The following JAZF1 variants were observed in gnomAD, a reference collection of about 807,000 sequenced individuals.
JAZF1 encodes JAZF zinc finger 1.
In JAZF1, 8 loss-of-function variants were observed where a neutral mutation model predicts 26.4. The observed-to-expected ratio is 0.30, with a 90% CI of 0.18 to 0.55. The LOEUF is 0.55. JAZF1 is among the 20% of genes least tolerant of loss of function. The pLI is 0.94. For missense variants in JAZF1, 199 were observed against 322.0 expected (o/e 0.62, Z 2.92); for synonymous variants, 126 against 122.3 (o/e 1.03, Z -0.20).
chr7:27,855,532 T>A (rs982688001), intron 3 of JAZF1, among the ~76,000 whole-genome samples: 6 of 151,980 alleles, frequency 3.9e-5, no homozygotes, highest in Non-Finnish European at 8.8e-5. Flanking sequence ...AAAGAGGATA[T>A]CACCACTGAT....
chr7:27,923,201 T>C (rs1020119067), intron 2 of JAZF1, among the ~76,000 whole-genome samples: 1 of 152,226 alleles, frequency 6.6e-6, no homozygotes, highest in Non-Finnish European at 1.5e-5. Context: ...TGGAGGTTTT[T>C]CTAGTCTTCT....
At chr7:27,903,479 GC>G (rs1784201040) in intron 2 of JAZF1, among the ~76,000 whole-genome samples, 1 of 152,194 alleles carries the variant, frequency 6.6e-6, no homozygotes, top group Non-Finnish European at 1.5e-5. Context: ...ACAGGCGTGA[GC>G]CACTGTGCCC....
chr7:28,174,364 ACAGTC>A (rs2127955424), intron 1 of JAZF1, among the ~76,000 whole-genome samples: 1 of 152,318 alleles, frequency 6.6e-6, no homozygotes, highest in African/African-American at 2.4e-5. Flanking sequence ...TGGCTTCCAA[ACAGTC>A]CCAGGGAAGC....
intron 2 of JAZF1, among the ~76,000 whole-genome samples, chr7:27,906,584 C>T (rs1237012995): frequency 2.0e-5 from 3 of 152,208 alleles, no homozygotes; most frequent in African/African-American, 7.2e-5. Flanking sequence ...TTTAAAGTCA[C>T]AGGTCAGCAT....
chr7:28,038,532 C>G (rs1783333867), intron 1 of JAZF1, among the ~76,000 whole-genome samples: 1 of 152,082 alleles, frequency 6.6e-6, no homozygotes. Context: ...TTTATTTAAA[C>G]AAAACTGTTT....
intron 1 of JAZF1, among the ~76,000 whole-genome samples, chr7:28,147,944 C>G (rs1783053265): frequency 6.6e-6 from 1 of 152,066 alleles, no homozygotes; most frequent in Non-Finnish European, 1.5e-5. Context: ...AGAAATCACT[C>G]TTAACATAGC....
chr7:27,896,058 T>C (rs1784058181), intron 2 of JAZF1, among the ~76,000 whole-genome samples: 1 of 152,174 alleles, frequency 6.6e-6, no homozygotes, highest in Admixed American at 6.5e-5. Flanking sequence ...ACTGCATACA[T>C]CTGCCCAGGA....
chr7:28,118,761 T>TACACACACACAC (rs10612400), intron 1 of JAZF1, among the ~76,000 whole-genome samples: 78 of 148,792 alleles, frequency 5.2e-4, no homozygotes, highest in African/African-American at 1.7e-3. Context: ...AAGAGAGTTT[T>TACACACACACAC]ACACACACAC....
chr7:28,088,648 T>C (rs1018663700), intron 1 of JAZF1, among the ~76,000 whole-genome samples: 10 of 152,168 alleles, frequency 6.6e-5, no homozygotes, highest in African/African-American at 1.2e-4. Flanking sequence ...TGTCCTAATA[T>C]CTCCCAAAGA....
At chr7:27,884,072 C>T (rs1207984159) in intron 3 of JAZF1, among the ~76,000 whole-genome samples, 2 of 152,210 alleles carry the variant, frequency 1.3e-5, no homozygotes, top group Non-Finnish European at 2.9e-5. Flanking sequence ...GACTCCTGTT[C>T]TTCATTCCTG....
In JAZF1 at chr7:28,158,184, C is replaced by G. The variant is rs750790; in HGVS notation, c.115+22279G>C. Among the ~76,000 whole-genome samples, 177 of 105,408 alleles carry G rather than the reference C, an allele frequency of 1.7e-3. 1 individual carries two copies. Among genetic ancestry groups the G allele is most frequent in the African/African-American group, 5.0e-3 (156 of 31,108 alleles). 69.2% of individuals were successfully genotyped at this position (105,408 alleles called of 152,430 possible). A position where few individuals can be genotyped will look rare whatever the true frequency, so the allele number is the denominator to read the frequency against. On this transcript the variant is annotated intron_variant, in intron 1 of 4. Transcript: ENST00000283928. ...ACACACACAAACACACACACACACACACAGAGAGAGAGAGAGAGAGGGAGA... is the reference window on the plus strand; with the variant it reads ...ACACACACAAACACACACACACACAGACAGAGAGAGAGAGAGAGAGGGAGA...
intron 1 of JAZF1, among the ~76,000 whole-genome samples, chr7:28,140,804 T>C (rs536318933): frequency 1.3e-5 from 2 of 152,346 alleles, no homozygotes; most frequent in East Asian, 3.9e-4. Context: ...AGAAATAAAA[T>C]ACTAGGAAAG....
intron 2 of JAZF1, among the ~76,000 whole-genome samples, chr7:27,918,611 C>CA (rs1784480939): frequency 6.6e-6 from 1 of 151,774 alleles, no homozygotes; most frequent in Non-Finnish European, 1.5e-5. Flanking sequence ...TGCACACAGT[C>CA]AGGCAGTTAT....
intron 1 of JAZF1, among the ~76,000 whole-genome samples, chr7:28,000,019 T>C (rs1786100844): frequency 6.6e-6 from 1 of 151,994 alleles, no homozygotes; most frequent in African/African-American, 2.4e-5. Flanking sequence ...CTGAGCCAGG[T>C]TTTGAAGGGA....
chr7:28,077,889 G>A (rs557651986), intron 1 of JAZF1, among the ~76,000 whole-genome samples: 8 of 152,210 alleles, frequency 5.3e-5, no homozygotes, highest in Non-Finnish European at 8.8e-5. Context: ...ATGTACATCC[G>A]GGTCCTGATT....
chr7:27,913,215 C>T (rs1784388728), intron 2 of JAZF1, among the ~76,000 whole-genome samples: 7 of 149,772 alleles, frequency 4.7e-5, no homozygotes, highest in Admixed American at 4.7e-4. Context: ...AATTTATATA[C>T]ATTTTTTATA....
intron 1 of JAZF1, among the ~76,000 whole-genome samples, chr7:28,168,234 T>C (rs1783398125): frequency 6.6e-6 from 1 of 151,836 alleles, no homozygotes; most frequent in Admixed American, 6.6e-5. Context: ...TACAAAAAAT[T>C]AGCCGGGCGT....
At chr7:27,999,978 A>G (rs991544292) in intron 1 of JAZF1, among the ~76,000 whole-genome samples, 4 of 152,298 alleles carry the variant, frequency 2.6e-5, no homozygotes, top group African/African-American at 7.2e-5. Context: ...AGACAGGGCT[A>G]ATCTGGGCAG....
chr7:28,159,710 C>T (rs929122405), intron 1 of JAZF1, among the ~76,000 whole-genome samples: 2 of 152,054 alleles, frequency 1.3e-5, no homozygotes, highest in East Asian at 1.9e-4. Context: ...GGGCTTCAGT[C>T]GCAGTCTTCA....
Sources: gnomAD v4.1 joint callset for allele counts (sites outside exome capture counted in the v4.1 genomes callset) on GRCh38, gnomAD v4.1.1 for gene constraint, MANE v1.5 for transcripts, NCBI Gene and HGNC (gene_info 2026-07-23, HGNC 2026-07-21) for gene names.